Variants in KIAA0319 observed in about 807,000 individuals in gnomAD.
KIAA0319 encodes KIAA0319, also known as dyslexia-associated protein KIAA0319.
Under a neutral mutation model 108.4 loss-of-function variants are expected in KIAA0319, and 83 were observed. That is an observed-to-expected ratio of 0.77 (90% CI 0.64 to 0.92). The LOEUF is 0.92. Ranked by LOEUF, KIAA0319 falls within the 40% of genes least tolerant of loss-of-function variation. The pLI, the probability that KIAA0319 is intolerant of heterozygous loss-of-function variation, is 0.00. For synonymous variants in KIAA0319, 484 were observed against 510.4 expected (o/e 0.95, Z 0.70); for missense variants, 1,195 against 1,322.4 (o/e 0.90, Z 1.49).
chr6:24,584,456 G>C (rs1212850494), intron 4 of KIAA0319, among the ~76,000 whole-genome samples: 1 of 103,904 alleles, frequency 9.6e-6, no homozygotes, highest in Non-Finnish European at 1.9e-5. Context: ...AAAAAAAAAA[G>C]CTGAGTGCTC....
intron 4 of KIAA0319, among the ~76,000 whole-genome samples, chr6:24,584,728 T>C (rs564347075): frequency 2.6e-5 from 4 of 152,358 alleles, no homozygotes; most frequent in South Asian, 4.1e-4. Flanking sequence ...CAAGGCTGTA[T>C]GGTAATTAGC....
In KIAA0319 at chr6:24,568,958, G is replaced by T. The variant is rs751600062; in HGVS notation, c.1992-29C>A. 2.5e-6 allele frequency: 4 copies of T among 1,608,826 alleles called. No individual in the cohort carries two copies. The Admixed American group carries it at 6.7e-5, about 27-fold the overall frequency. ...TAAAACATAGAAGTGGTTAACATAAGGGAGGGGGCATGGGGTTTTGAATAT... is the reference window on the plus strand; with the variant it reads ...TAAAACATAGAAGTGGTTAACATAATGGAGGGGGCATGGGGTTTTGAATAT... On this transcript the variant is annotated intron_variant, in intron 12 of 20. Coordinates refer to ENST00000378214, the MANE Select transcript of KIAA0319 (RefSeq NM_014809.4).
intron 1 of KIAA0319, among the ~76,000 whole-genome samples, chr6:24,628,704 G>A (rs1582312262): frequency 6.6e-6 from 1 of 152,280 alleles, no homozygotes; most frequent in South Asian, 2.1e-4. Context: ...GTCCCTCTGA[G>A]AGTCTGATCA....
At chr6:24,556,531 G>T in intron 18 of KIAA0319, 76 bp downstream of exon 18, 1 of 1,516,538 alleles carries the variant, frequency 6.6e-7, no homozygotes, top group Non-Finnish European at 8.9e-7. Context: ...TCGAATATTA[G>T]GCAGATATTT....
intron 10 of KIAA0319, 42 bp from the exon 11 acceptor site, chr6:24,572,740 A>C: frequency 6.4e-7 from 1 of 1,553,436 alleles, no homozygotes; most frequent in Non-Finnish European, 8.7e-7. Context: ...AAACAAAACA[A>C]AAAAGTAAAG....
At chr6:24,602,572 G>A (rs370112163) in intron 1 of KIAA0319, among the ~76,000 whole-genome samples, 23 of 152,256 alleles carry the variant, frequency 1.5e-4, no homozygotes, top group East Asian at 3.9e-4. Flanking sequence ...AGGCCAAGGC[G>A]GGTGGATCAC....
At chr6:24,589,164 T>C (rs1309905658) in intron 3 of KIAA0319, among the ~76,000 whole-genome samples, 1 of 152,166 alleles carries the variant, frequency 6.6e-6, no homozygotes, top group Non-Finnish European at 1.5e-5. Flanking sequence ...TATTTGGAGG[T>C]AGGGCCTTTG....
At position 24,560,704 on chromosome 6, in the gene KIAA0319, G is replaced by A. The variant is rs142081404; in HGVS notation, c.2592-1549C>T. 2.0e-4 allele frequency among the ~76,000 whole-genome samples: 30 copies of A among 152,224 alleles called. No individual in the cohort carries two copies. In the East Asian group the frequency reaches 4.4e-3, roughly 22 times the overall value. ...GAAGAATCTCTCCAGTCCCTGCCTC[G>A]GTCGTTACATGGTGTTCTTCCTGTG... On this transcript the variant is annotated intron_variant, in intron 16 of 20. Transcript: ENST00000378214.
downstream of KIAA0319, among the ~76,000 whole-genome samples, chr6:24,541,817 A>G (rs1282815145): frequency 6.6e-6 from 1 of 152,176 alleles, no homozygotes; most frequent in Non-Finnish European, 1.5e-5. Flanking sequence ...AATTTAGCCC[A>G]CAACACTGAA....
At chr6:24,566,774 G>A in intron 13 of KIAA0319, 26 bp from the exon 14 acceptor site, 1 of 1,587,440 alleles carries the variant, frequency 6.3e-7, no homozygotes, top group Admixed American at 1.8e-5. Flanking sequence ...CAAAATGAAA[G>A]CAAAGAGATT....
At chr6:24,595,521 T>C (rs1275187003) in intron 3 of KIAA0319, among the ~76,000 whole-genome samples, 1 of 114,448 alleles carries the variant, frequency 8.7e-6, no homozygotes, top group Non-Finnish European at 1.6e-5. Context: ...CACTCCAGCC[T>C]GGGCGACAGA....
intron 3 of KIAA0319, among the ~76,000 whole-genome samples, chr6:24,593,384 ATCT>A (rs1347511854): frequency 7.7e-6 from 1 of 130,654 alleles, no homozygotes; most frequent in East Asian, 2.1e-4. Context: ...TTGAATAATT[ATCT>A]TTTTTTTTTT....
chr6:24,640,778 G>A (rs1776811215), intron 1 of KIAA0319, among the ~76,000 whole-genome samples: 1 of 151,478 alleles, frequency 6.6e-6, no homozygotes, highest in African/African-American at 2.4e-5. Context: ...TCAGCCTCCC[G>A]AATAGCTGGG....
At chr6:24,619,099 C>G (rs1400092378) in intron 1 of KIAA0319, among the ~76,000 whole-genome samples, 1 of 152,062 alleles carries the variant, frequency 6.6e-6, no homozygotes, top group African/African-American at 2.4e-5. Flanking sequence ...GGGTCAGCAT[C>G]GCTAGAAAAG....
chr6:24,543,240 A>G (rs983463174), downstream of KIAA0319, among the ~76,000 whole-genome samples: 1 of 152,212 alleles, frequency 6.6e-6, no homozygotes, highest in Non-Finnish European at 1.5e-5. Context: ...ATGAAACTCC[A>G]GAAAATTCAA....
intron 20 of KIAA0319, among the ~76,000 whole-genome samples, chr6:24,550,815 C>G (rs1761373758): frequency 6.6e-6 from 1 of 152,072 alleles, no homozygotes; most frequent in Non-Finnish European, 1.5e-5. Context: ...AAAAAGCAGT[C>G]TTTGCCCTGT....
intron 11 of KIAA0319, 120 bp from the exon 12 acceptor site, chr6:24,570,155 G>T: frequency 1.1e-6 from 1 of 921,590 alleles, no homozygotes. Context: ...AGAGTATGCA[G>T]CATCCTTTGG....
intron 2 of KIAA0319, chr6:24,600,478 G>T: frequency 1.6e-6 from 1 of 621,514 alleles, no homozygotes; most frequent in Non-Finnish European, 2.9e-6. Flanking sequence ...TCCCTAGGAG[G>T]TCTGGAGTGT....
chr6:24,588,818 TAA>T (rs527626492), intron 3 of KIAA0319, 33 bp from the exon 4 acceptor site: 1 of 1,401,418 alleles, frequency 7.1e-7, no homozygotes, highest in Non-Finnish European at 9.7e-7. Flanking sequence ...AAATTGTTAT[TAA>T]AAAAAAAACA....
Sources: allele counts gnomAD v4.1 joint callset (sites outside exome capture counted in the v4.1 genomes callset), GRCh38; gene constraint gnomAD v4.1.1; transcripts MANE v1.5; gene names NCBI Gene and HGNC (gene_info 2026-07-23, HGNC 2026-07-21).